FBRS: variants seen among roughly 807,000 people sequenced by gnomAD.
FBRS encodes the protein probable fibrosin-1.
FBRS carries 15 observed loss-of-function variants against 86.1 expected under a neutral mutation model. That is an observed-to-expected ratio of 0.17 (90% CI 0.12 to 0.27). The LOEUF (loss-of-function observed/expected upper bound fraction) is 0.27, where lower values mean the gene tolerates loss of function less well. Ranked by LOEUF, FBRS falls within the 10% of genes least tolerant of loss-of-function variation. The pLI, the probability that FBRS is intolerant of heterozygous loss-of-function variation, is 1.00. For synonymous variants in FBRS, 666 were observed against 575.8 expected (o/e 1.16, Z -2.24); for missense variants, 1,367 against 1,301.6 (o/e 1.05, Z -0.77).
rs1318055447 is a variant in FBRS, at chr16:30,662,090, A to T, written c.706-330A>T. The T allele has an allele frequency of 3.5e-5, 11 of 317,792 alleles. 1 individual carries two copies. The South Asian group carries it at 5.4e-4, about 16-fold the overall frequency. 19.7% of individuals were successfully genotyped at this position (317,792 alleles called of 1,614,324 possible). ...TTAAAACTTTTACCAACGCTGGTGGACCAAATAAATCTGTAAGCGAGGGAG... is the reference window on the plus strand; with the variant it reads ...TTAAAACTTTTACCAACGCTGGTGGTCCAAATAAATCTGTAAGCGAGGGAG... On this transcript the variant is annotated intron_variant, in intron 4 of 17. Transcript: ENST00000356166.
At chr16:30,666,080 C>T (rs1051904235) in intron 11 of FBRS, 4 of 407,984 alleles carry the variant, frequency 9.8e-6, no homozygotes, top group Non-Finnish European at 1.3e-5. Flanking sequence ...TTAGCACTTG[C>T]AGCAGTGTAG....
At position 30,658,971 on chromosome 16, in the gene FBRS, G is replaced by C. The variant is rs1053553601; in HGVS notation, c.-548G>C. 1 of 152,220 alleles carries C rather than the reference G, an allele frequency of 6.6e-6. No homozygotes were observed. The highest frequency in any genetic ancestry group is 6.5e-5 in the Admixed American group (1 of 15,274). The allele number at this position is 152,220 out of a possible 1,614,324, so 9.4% of individuals were successfully genotyped here. ...TAAAGGGGAAGTGGCCGCTTGTGGA[G>C]GACTAGAAACTAACTCCGAGCCCTT... On this transcript the variant is annotated 5_prime_UTR_variant, in exon 1 of 18. Transcript: ENST00000356166.
rs2052581719 is a variant in FBRS, at chr16:30,670,305, A to G, written c.*660A>G. ...AGGTGGGGCCAGCAGGAGATGACCA[A>G]CAGGGGGCAGGACCTGGGGACCTGG... On this transcript the variant is annotated 3_prime_UTR_variant, in exon 18 of 18. Coordinates refer to ENST00000356166, the MANE Select transcript of FBRS (RefSeq NM_001105079.3). 2.3e-6 allele frequency: 1 copy of G among 425,846 alleles called. No individual in the cohort carries two copies. Among genetic ancestry groups the G allele is most frequent in the African/African-American group, 2.1e-5 (1 of 48,656 alleles). The allele number at this position is 425,846 out of a possible 1,614,324, so 26.4% of individuals were successfully genotyped here.
At position 30,669,222 on chromosome 16, in the gene FBRS, C is replaced by CGCCGCCGCT. The variant is rs749226697; in HGVS notation, c.2529_2537dup (p.Ala847_Ala849dup). ...CCGCCGCCGCTGCCGCTGCTGCTGC[C>CGCCGCCGCT]GCCGCCGCTGCCGCCGCCGCAGCAG... is the stretch of plus-strand genomic sequence containing the variant. On this transcript the variant is annotated inframe_insertion, in exon 18 of 18. Coordinates refer to ENST00000356166, the MANE Select transcript of FBRS (RefSeq NM_001105079.3). This position sits in a 1 kb window ranked among gnomAD's most constrained non-coding sequence, Gnocchi z 5.9. 17 of 1,543,422 alleles carry CGCCGCCGCT rather than the reference C, an allele frequency of 1.1e-5. No individual in the cohort carries two copies. The South Asian group carries it at 1.8e-4, about 16-fold the overall frequency.
rs1191689658 is a variant in FBRS at position 30,659,310 on chromosome 16, G to C, written c.-209G>C. ...GCGGCCCCGCCGAGCCCGCAGGGGG[G>C]GCCCTCGGGCTTGTCGCCCCGGGGG... On this transcript the variant is annotated 5_prime_UTR_variant, in exon 1 of 18. Transcript: ENST00000356166. The C allele has an allele frequency of 1.1e-5, 2 of 185,784 alleles. No homozygotes were observed. The highest frequency in any genetic ancestry group is 1.2e-4 in the Admixed American group (2 of 16,342). 11.5% of individuals were successfully genotyped at this position (185,784 alleles called of 1,614,324 possible). A position where few individuals can be genotyped will look rare whatever the true frequency, so the allele number is the denominator to read the frequency against.
chr16:30,667,109 C>G, intron 13 of FBRS, 119 bp downstream of exon 13: 1 of 1,093,644 alleles, frequency 9.1e-7, no homozygotes, highest in Non-Finnish European at 1.4e-6. Context: ...TCTCCTGTCC[C>G]CCATCACTGC....
chr16:30,670,188 T>C lies in FBRS; in HGVS notation c.*543T>C. The C allele has an allele frequency of 2.2e-6, 1 of 458,200 alleles. No homozygotes were observed. The highest frequency in any genetic ancestry group is 3.2e-4 in the Middle Eastern group (1 of 3,080). 28.4% of individuals were successfully genotyped at this position (458,200 alleles called of 1,614,324 possible). A position where few individuals can be genotyped will look rare whatever the true frequency, so the allele number is the denominator to read the frequency against. ...TTCCTGGTTAATTAAACCCTCAGACTGGTGCTGTGTTCCTAGCCTCTGGCC... is the reference window on the plus strand; with the variant it reads ...TTCCTGGTTAATTAAACCCTCAGACCGGTGCTGTGTTCCTAGCCTCTGGCC... On this transcript the variant is annotated 3_prime_UTR_variant, in exon 18 of 18. Coordinates refer to ENST00000356166, the MANE Select transcript of FBRS (RefSeq NM_001105079.3).
rs1165808880 is a variant in FBRS, at chr16:30,667,003, G to C, written c.1875+13G>C. The C allele has an allele frequency of 6.3e-7, 1 of 1,599,070 alleles. No individual in the cohort carries two copies. ...GGAGAAAATGAAGGTACTGGGGCCG[G>C]AGGGCTGGGGAGAGTGGGTCTCAGA... is the stretch of plus-strand genomic sequence containing the variant. On this transcript the variant is annotated intron_variant, in intron 13 of 17. Transcript: ENST00000356166.
chr16:30,665,533 C>T lies in FBRS; in HGVS notation c.1705-105C>T, dbSNP rs1205892788. The T allele has an allele frequency of 2.1e-6, 3 of 1,459,052 alleles. No individual in the cohort carries two copies. The highest frequency in any genetic ancestry group is 2.8e-6 in the Non-Finnish European group (3 of 1,063,208). The allele number at this position is 1,459,052 out of a possible 1,614,324, so 90.4% of individuals were successfully genotyped here. A position where few individuals can be genotyped will look rare whatever the true frequency, so the allele number is the denominator to read the frequency against. ...GCCCTGCCCTGCTGCACCCAGTTTT[C>T]TCCAAAGCCATGATCCCTCCCTGCC... On this transcript the variant is annotated intron_variant, in intron 10 of 17. Coordinates refer to ENST00000356166, the MANE Select transcript of FBRS (RefSeq NM_001105079.3). The surrounding 1 kb of genome is among the most constrained non-coding windows in gnomAD (Gnocchi z 4.1).
In FBRS at chr16:30,670,229, G is replaced by T; in HGVS notation, c.*584G>T. ...GCCTCTGGCCTCTCTGTGGGGAAAG[G>T]GGACTGCAGGGGGAAGAGCCGGGAA... On this transcript the variant is annotated 3_prime_UTR_variant, in exon 18 of 18. Transcript: ENST00000356166. 2.2e-6 allele frequency: 1 copy of T among 457,608 alleles called. No individual in the cohort carries two copies. Among genetic ancestry groups the T allele is most frequent in the Non-Finnish European group, 4.4e-6 (1 of 226,790 alleles). 28.3% of individuals were successfully genotyped at this position (457,608 alleles called of 1,614,324 possible).
Position 30,665,215 on chromosome 16 carries a change from G to C in FBRS, c.1609-91G>C, listed in dbSNP as rs1404568409. On this transcript the variant is annotated intron_variant, in intron 9 of 17. Transcript: ENST00000356166. This position sits in a 1 kb window ranked among gnomAD's most constrained non-coding sequence, Gnocchi z 4.1. ...TGAGCCTGGGACAGCTCCCTGGGGGGCTTTAGGGTGGAGGCCCGTGGACTG... is the reference window on the plus strand; with the variant it reads ...TGAGCCTGGGACAGCTCCCTGGGGGCCTTTAGGGTGGAGGCCCGTGGACTG... The C allele has an allele frequency of 1.3e-6, 2 of 1,510,338 alleles. No individual in the cohort carries two copies. The highest frequency in any genetic ancestry group is 1.8e-6 in the Non-Finnish European group (2 of 1,120,386). The allele number at this position is 1,510,338 out of a possible 1,614,324, so 93.6% of individuals were successfully genotyped here. A position where few individuals can be genotyped will look rare whatever the true frequency, so the allele number is the denominator to read the frequency against.
intron 11 of FBRS, chr16:30,666,010 C>T (rs980613410): frequency 9.6e-5 from 41 of 426,722 alleles, no homozygotes; most frequent in Middle Eastern, 6.1e-4. Flanking sequence ...AAGCCCTGTT[C>T]GGAAAACAAA....
chr16:30,669,449 A>G lies in FBRS; in HGVS notation c.2747A>G (p.Tyr916Cys), dbSNP rs1389408446. The change falls in exon 18 of 18, where the codon TAC becomes TGC. Residue 916 changes from tyrosine (Y) to cysteine (C), a missense_variant. Tyr to Cys is a radical substitution (Grantham distance 194). This residue lies in a region of FBRS where 659 missense variants were observed against 678.8 expected (regional missense o/e 0.97). Coordinates refer to ENST00000356166, the MANE Select transcript of FBRS (RefSeq NM_001105079.3). This position sits in a 1 kb window ranked among gnomAD's most constrained non-coding sequence, Gnocchi z 5.9. The part of the protein sequence containing the change: ...GPGAVAAARL[Y>C]GLEPAHPLLY... ...GGGGCCGTGGCCGCTGCCCGCCTCT[A>G]CGGTCTGGAACCTGCTCACCCCTTG... is the stretch of plus-strand genomic sequence containing the variant. The G allele has an allele frequency of 1.2e-6, 2 of 1,613,020 alleles. No individual in the cohort carries two copies. The highest frequency in any genetic ancestry group is 1.3e-5 in the African/African-American group (1 of 75,042).
intron 2 of FBRS, 76 bp from the exon 3 acceptor site, chr16:30,661,104 G>T: frequency 1.9e-6 from 3 of 1,547,116 alleles, no homozygotes; most frequent in Non-Finnish European, 2.6e-6. Context: ...GCCCATGAGC[G>T]CCCTGCTGGG....
chr16:30,669,821 A>C lies in FBRS; in HGVS notation c.*176A>C. The stretch of plus-strand genomic sequence containing the variant: ...CCCCACAAGACCAAGCATCACATGG[A>C]GTGTAGGGTCACTGGGAGAGCAGAG... On this transcript the variant is annotated 3_prime_UTR_variant, in exon 18 of 18. Transcript: ENST00000356166. This position sits in a 1 kb window ranked among gnomAD's most constrained non-coding sequence, Gnocchi z 5.9. 2.5e-6 allele frequency: 2 copies of C among 801,486 alleles called. No homozygotes were observed. Among genetic ancestry groups the C allele is most frequent in the Admixed American group, 2.9e-5 (1 of 34,082 alleles). 49.6% of individuals were successfully genotyped at this position (801,486 alleles called of 1,614,324 possible).
chr16:30,665,063 G>T lies in FBRS; in HGVS notation c.1592G>T (p.Gly531Val). 1 of 1,613,520 alleles carries T rather than the reference G, an allele frequency of 6.2e-7. No individual in the cohort carries two copies. ...GAGAAATATCCAGGAAAGATGGAAG[G>T]CCTTTTCCGACATAATGTGAGTGTG... ...MFEKYPGKME[G>V]LFRHNPYTAF... is the part of the protein sequence containing the mutation. Residue 531 changes from glycine (G) to valine (V), a missense_variant, in exon 9 of 18, where the codon GGC becomes GTC. By Grantham distance (109) the Gly-to-Val change is moderately radical (BLOSUM62 -3). Coordinates refer to ENST00000356166, the MANE Select transcript of FBRS (RefSeq NM_001105079.3). The surrounding 1 kb of genome is among the most constrained non-coding windows in gnomAD (Gnocchi z 4.1).
In FBRS at chr16:30,662,781, C is replaced by G. The variant is rs1465714321; in HGVS notation, c.977C>G (p.Pro326Arg). The G allele has an allele frequency of 6.7e-7, 1 of 1,503,712 alleles. No homozygotes were observed. Among genetic ancestry groups the G allele is most frequent in the Non-Finnish European group, 8.9e-7 (1 of 1,121,074 alleles). The allele number at this position is 1,503,712 out of a possible 1,614,324, so 93.1% of individuals were successfully genotyped here. ...CCCAGTCTGCCACCCCCACCCCAGC[C>G]CCAGCTGCAGCTTCGGGTCTCACCC... ...ATPSLPPPPQ[P>R]QLQLRVSPFG... Residue 326 changes from proline to arginine, a missense_variant, in exon 6 of 18, where the codon CCC (proline) becomes CGC (arginine). Coordinates refer to ENST00000356166, the MANE Select transcript of FBRS (RefSeq NM_001105079.3).
Position 30,665,952 on chromosome 16 carries a change from TTTA to T in FBRS, c.1773+247_1773+249del. ...GGTTTTTGTAGTGGTTTTCAAACTT[TTTA>T]ATAAAGTTACAAAACACTTTTTTTC... On this transcript the variant is annotated intron_variant, in intron 11 of 17. Transcript: ENST00000356166. The surrounding 1 kb of genome is among the most constrained non-coding windows in gnomAD (Gnocchi z 4.1). 3 of 512,240 alleles carry T rather than the reference TTTA, an allele frequency of 5.9e-6. No homozygotes were observed. The highest frequency in any genetic ancestry group is 3.7e-5 in the Admixed American group (1 of 27,162). 31.7% of individuals were successfully genotyped at this position (512,240 alleles called of 1,614,324 possible). A position where few individuals can be genotyped will look rare whatever the true frequency, so the allele number is the denominator to read the frequency against.
At chr16:30,666,869 T>TGAAC (rs1567546747) in intron 12 of FBRS, 50 bp from the exon 13 acceptor site, 2 of 1,575,654 alleles carry the variant, frequency 1.3e-6, no homozygotes, top group Admixed American at 1.8e-5. Context: ...GGATGATGAG[T>TGAAC]GAACGTTCTT....
Sources: gnomAD v4.1 joint callset for allele counts on GRCh38, gnomAD v4.1.1 for gene constraint, gnomAD v4.1.1 regional missense constraint, Gnocchi (gnomAD v3.1) non-coding constraint, MANE v1.5 for transcripts, NCBI Gene and HGNC (gene_info 2026-07-23, HGNC 2026-07-21) for gene names.